SDF4: variants seen among roughly 807,000 people sequenced by gnomAD.
SDF4 encodes the protein stromal cell derived factor 4.
SDF4 carries 22 observed loss-of-function variants against 34.2 expected under a neutral mutation model. The ratio of observed to expected loss-of-function variants is 0.64; its 90% confidence interval spans 0.46 to 0.92. The LOEUF (loss-of-function observed/expected upper bound fraction) is 0.92. Among genes scored for constraint, SDF4 ranks in the 40% least tolerant of loss-of-function variants. The pLI, the probability that SDF4 is intolerant of heterozygous loss-of-function variation, is 0.00. For missense variants in SDF4, 447 were observed against 499.9 expected (o/e 0.89, Z 1.01); for synonymous variants, 236 against 203.1 (o/e 1.16, Z -1.38).
At chr1:1,222,040 T>G (rs535585403) in intron 4 of SDF4, among the ~76,000 whole-genome samples, 1 of 152,322 alleles carries the variant, frequency 6.6e-6, no homozygotes, top group Admixed American at 6.5e-5. Flanking sequence ...AATAAAGGTG[T>G]AAGATACACC....
intron 1 of SDF4, among the ~76,000 whole-genome samples, chr1:1,229,861 G>GTCCCA (rs1638438733): frequency 6.6e-6 from 1 of 152,130 alleles, no homozygotes; most frequent in Non-Finnish European, 1.5e-5. Context: ...TCAGGGCCTG[G>GTCCCA]TCCCAGCAAA....
At chr1:1,223,200 C>T (rs1286291217) in intron 4 of SDF4, 44 bp downstream of exon 4, 1 of 1,357,318 alleles carries the variant, frequency 7.4e-7, no homozygotes, top group Admixed American at 1.7e-5. Flanking sequence ...CGCGCACACA[C>T]AGGATGCCTG....
rs774122471 is a variant in SDF4 at position 1,228,660 on chromosome 1, C to A, written c.113G>T (p.Arg38Leu). The A allele has an allele frequency of 4.3e-6, 7 of 1,613,116 alleles. No homozygotes were observed. Among genetic ancestry groups the A allele is most frequent in the Non-Finnish European group, 8.5e-7 (1 of 1,180,026 alleles). Residue 38 changes from arginine to leucine, a missense_variant, in exon 2 of 7, where the codon CGA becomes CTA. Physicochemically the swap from Arg to Leu is moderately radical, Grantham distance 102. Transcript: ENST00000360001. ...SARPANHSST[R>L]ERVANREENE... ...CTCCTCCCTGTTGGCTACTCTCTCTCGAGTGGACGAGTGGTTGGCAGGCCG... is the reference window on the plus strand; with the variant it reads ...CTCCTCCCTGTTGGCTACTCTCTCTAGAGTGGACGAGTGGTTGGCAGGCCG...
chr1:1,217,619 C>T lies in SDF4; in HGVS notation c.961G>A (p.Glu321Lys), dbSNP rs1649596769. The T allele has an allele frequency of 2.5e-6, 4 of 1,613,806 alleles. No individual in the cohort carries two copies. Among genetic ancestry groups the T allele is most frequent in the East Asian group, 2.2e-5 (1 of 44,846 alleles). Residue 321 changes from glutamate (E) to lysine (K), a missense_variant, in exon 7 of 7, where the codon GAG becomes AAG. Coordinates refer to ENST00000360001, the MANE Select transcript of SDF4 (RefSeq NM_016176.6). The surrounding 1 kb of genome is among the most constrained non-coding windows in gnomAD (Gnocchi z 8.5). ...GGCTCCAGGTGGTGGTTCTGGTTCTCGTCGGCGACGGCGATCATCTGCTTG... is the reference window on the plus strand; with the variant it reads ...GGCTCCAGGTGGTGGTTCTGGTTCTTGTCGGCGACGGCGATCATCTGCTTG... ...EAKQMIAVAD[E>K]NQNHHLEPEE... is the part of the protein sequence containing the mutation.
At position 1,223,947 on chromosome 1, in the gene SDF4, C is replaced by A; in HGVS notation, c.327G>T (p.Arg109=). The A allele has an allele frequency of 6.2e-7, 1 of 1,611,386 alleles. No individual in the cohort carries two copies. Among genetic ancestry groups the A allele is most frequent in the Non-Finnish European group, 8.5e-7 (1 of 1,179,856 alleles). The change falls in exon 3 of 7, where the codon CGG becomes CGT. Residue 109 remains arginine (R), a synonymous_variant. Coordinates refer to ENST00000360001, the MANE Select transcript of SDF4 (RefSeq NM_016176.6). Reference sequence around the variant, plus strand: ...GCTGCATCTCCTTGGCACTGATCTTCCGGTCAGTGTTCACATCCACCCTGC... The same window carrying A: ...GCTGCATCTCCTTGGCACTGATCTTACGGTCAGTGTTCACATCCACCCTGC... ...IFSKVDVNTD[R]KISAKEMQRW...
chr1:1,226,901 G>A (rs3766188), intron 2 of SDF4, among the ~76,000 whole-genome samples: 16,183 of 152,218 alleles, frequency 0.11, 953 homozygotes, highest in East Asian at 0.17. Flanking sequence ...CCAGGCCTTC[G>A]TGAGCTCAGG....
chr1:1,225,936 T>C (rs1638289810), intron 2 of SDF4, among the ~76,000 whole-genome samples: 2 of 152,332 alleles, frequency 1.3e-5, no homozygotes, highest in South Asian at 2.1e-4. Flanking sequence ...GCGGTGCACG[T>C]ACATGGAGCT....
At chr1:1,219,377 CT>C (rs2100968500) in intron 4 of SDF4, 1 of 1,051,970 alleles carries the variant, frequency 9.5e-7, no homozygotes, top group South Asian at 2.8e-5. Context: ...CCCCTCATGC[CT>C]GGGACCCCTC....
In SDF4 at chr1:1,228,856, G is replaced by A; in HGVS notation, c.-84C>T. The A allele has an allele frequency of 7.7e-7, 1 of 1,300,010 alleles. No individual in the cohort carries two copies. The highest frequency in any genetic ancestry group is 1.1e-6 in the Non-Finnish European group (1 of 951,166). 80.5% of individuals were successfully genotyped at this position (1,300,010 alleles called of 1,614,324 possible). A position where few individuals can be genotyped will look rare whatever the true frequency, so the allele number is the denominator to read the frequency against. On this transcript the variant is annotated 5_prime_UTR_variant, in exon 2 of 7. Transcript: ENST00000360001. ...GGCAGGGGCAGGGGCAGAGGAGGAA[G>A]TGAGGTCCTGGCTCCAATCCAATCC...
intron 4 of SDF4, chr1:1,219,655 C>T (rs1570476418): frequency 1.0e-6 from 1 of 986,420 alleles, no homozygotes; most frequent in South Asian, 4.7e-5. Context: ...CCGTGCCCAC[C>T]CGGCCCCAAC....
chr1:1,220,357 C>T, intron 4 of SDF4: 1 of 1,115,268 alleles, frequency 9.0e-7, no homozygotes, highest in Non-Finnish European at 1.1e-6. Context: ...ACCGCGGTCC[C>T]CAGAATCAGG....
intron 4 of SDF4, chr1:1,219,268 C>G (rs894981121): frequency 2.2e-4 from 258 of 1,190,874 alleles, no homozygotes; most frequent in Non-Finnish European, 2.7e-4. Context: ...CAGCCCAGAC[C>G]CCCAGGACAT....
intron 4 of SDF4, chr1:1,219,800 T>A (rs1649807541): frequency 5.1e-6 from 5 of 985,686 alleles, no homozygotes; most frequent in Non-Finnish European, 4.8e-6. Context: ...AGGCCCACAC[T>A]CAGCCCCCTG....
At chr1:1,227,067 C>G (rs1638336490) in intron 2 of SDF4, among the ~76,000 whole-genome samples, 1 of 152,168 alleles carries the variant, frequency 6.6e-6, no homozygotes, top group Non-Finnish European at 1.5e-5. Flanking sequence ...GGTCCTCCAG[C>G]TGGCACCGTG....
At chr1:1,223,785 T>TTCCCCCCCCCCCCCCCCCCCCCC in intron 3 of SDF4, 47 bp downstream of exon 3, 1 of 552,546 alleles carries the variant, frequency 1.8e-6, no homozygotes, top group South Asian at 2.1e-5. Flanking sequence ...CCCATGGCCC[T>TTCCCCCCCCCCCCCCCCCCCCCC]GCCCGCCCCG....
At chr1:1,231,516 G>C (rs1248325039) in intron 1 of SDF4, among the ~76,000 whole-genome samples, 1 of 152,258 alleles carries the variant, frequency 6.6e-6, no homozygotes, top group Non-Finnish European at 1.5e-5. Context: ...CTGGGGATGA[G>C]GGTCCACGCG....
intron 2 of SDF4, among the ~76,000 whole-genome samples, chr1:1,227,059 TC>T (rs1242762979): frequency 6.6e-6 from 1 of 152,108 alleles, no homozygotes; most frequent in Non-Finnish European, 1.5e-5. Flanking sequence ...GGTGCCCAGG[TC>T]CTCCAGCTGG....
At position 1,217,998 on chromosome 1, in the gene SDF4, T is replaced by C. The variant is rs771569069; in HGVS notation, c.892-310A>G. ...TCGCCAGGAATCACAGGATTCTACA[T>C]AAAAACAAGATGACTCACTCAGCAG... On this transcript the variant is annotated intron_variant, in intron 6 of 6. Transcript: ENST00000360001. The surrounding 1 kb of genome is among the most constrained non-coding windows in gnomAD (Gnocchi z 8.5). Among the ~76,000 whole-genome samples the C allele has an allele frequency of 3.3e-5, 5 of 152,072 alleles. No individual in the cohort carries two copies. The highest frequency in any genetic ancestry group is 7.4e-5 in the Non-Finnish European group (5 of 67,986).
chr1:1,219,032 C>G, intron 4 of SDF4, 105 bp from the exon 5 acceptor site: 1 of 1,605,708 alleles, frequency 6.2e-7, no homozygotes, highest in East Asian at 2.2e-5. Flanking sequence ...CAGCCACCCG[C>G]GAGACCGGGG....
Sources: allele counts gnomAD v4.1 joint callset (sites outside exome capture counted in the v4.1 genomes callset), GRCh38; gene constraint gnomAD v4.1.1; non-coding constraint Gnocchi (gnomAD v3.1); transcripts MANE v1.5; gene names NCBI Gene and HGNC (gene_info 2026-07-23, HGNC 2026-07-21).